The following LEPR variants were observed in gnomAD, a reference collection of about 807,000 sequenced individuals.
The protein encoded by LEPR is leptin receptor, also known as OB receptor.
A neutral mutation model predicts 114.7 loss-of-function variants in LEPR; 56 were observed. The ratio of observed to expected loss-of-function variants is 0.49; its 90% CI spans 0.39 to 0.61. LEPR has a LOEUF of 0.61. LEPR is among the 20% of genes least tolerant of loss of function. The probability of loss-of-function intolerance (pLI) is 0.00; values close to 1 mark genes in which losing one functional copy is unlikely to be tolerated. For missense variants in LEPR, 1,202 were observed against 1,352.9 expected, an observed-to-expected ratio of 0.89 and a Z score of 1.75; for synonymous variants, 443 against 461.4, an observed-to-expected ratio of 0.96 and a Z score of 0.51.
chr1:65,628,532 G>A (rs1658348565), intron 19 of LEPR, among the ~76,000 whole-genome samples: 1 of 152,202 alleles, frequency 6.6e-6, no homozygotes, highest in East Asian at 1.9e-4. Flanking sequence ...ATCCTTTGAA[G>A]TACTGAAAAT....
intron 2 of LEPR, among the ~76,000 whole-genome samples, chr1:65,447,092 A>G (rs1223930259): frequency 6.6e-6 from 1 of 152,040 alleles, no homozygotes; most frequent in African/African-American, 2.4e-5. Context: ...TCAGCCTCCC[A>G]AAGTGCTAGG....
chr1:65,479,125 C>A (rs1570529131), intron 2 of LEPR, among the ~76,000 whole-genome samples: 1 of 152,128 alleles, frequency 6.6e-6, no homozygotes, highest in African/African-American at 2.4e-5. Flanking sequence ...TATGTCAGAG[C>A]AGGCAGGATT....
chr1:65,505,046 G>A (rs1648653788), intron 2 of LEPR, among the ~76,000 whole-genome samples: 1 of 152,174 alleles, frequency 6.6e-6, no homozygotes, highest in Non-Finnish European at 1.5e-5. Context: ...AACCTCTGTA[G>A]TAGAAGTCCC....
Position 65,618,070 on chromosome 1 carries a change from G to A in LEPR, c.2319G>A (p.Glu773=), listed in dbSNP as rs1441047400. The part of the protein sequence containing the change: ...SDYKLMYFII[E]WKNLNEDGEI... ...ACAAGCTAATGTATTTTATTATTGA[G>A]TGGAAAAATCTTAATGAAGATGGTG... Residue 773 remains glutamate, a synonymous_variant, in exon 16 of 20, where the codon GAG becomes GAA. Transcript: ENST00000349533. 3 of 1,612,130 alleles carry A rather than the reference G, an allele frequency of 1.9e-6. No homozygotes were observed. The highest frequency in any genetic ancestry group is 2.5e-6 in the Non-Finnish European group (3 of 1,179,310).
At chr1:65,464,070 G>C (rs574301734) in intron 2 of LEPR, among the ~76,000 whole-genome samples, 9 of 152,276 alleles carry the variant, frequency 5.9e-5, no homozygotes, top group African/African-American at 2.2e-4. Flanking sequence ...TGTTGAATAG[G>C]AGTGGTGAGA....
At chr1:65,621,548 A>G (rs1007388451) in intron 18 of LEPR, 90 bp downstream of exon 18, 29 of 1,056,674 alleles carry the variant, frequency 2.7e-5, no homozygotes, top group Non-Finnish European at 4.0e-5. Flanking sequence ...AGGAATATTA[A>G]AGTCTTCTAA....
At chr1:65,551,129 T>C (rs1404853081) in intron 2 of LEPR, among the ~76,000 whole-genome samples, 1 of 152,182 alleles carries the variant, frequency 6.6e-6, no homozygotes, top group African/African-American at 2.4e-5. Context: ...AGTATTTTAT[T>C]GAGGATCTTT....
intron 2 of LEPR, among the ~76,000 whole-genome samples, chr1:65,442,185 T>G (rs1646658108): frequency 6.6e-6 from 1 of 152,096 alleles, no homozygotes; most frequent in African/African-American, 2.4e-5. Context: ...TAAAATAAAA[T>G]GAAAAGGTGA....
chr1:65,636,410 T>G lies in LEPR; in HGVS notation c.2893T>G (p.Ser965Ala). 1 of 1,614,126 alleles carries G rather than the reference T, an allele frequency of 6.2e-7. No homozygotes were observed. The highest frequency in any genetic ancestry group is 8.5e-7 in the Non-Finnish European group (1 of 1,179,994). Residue 965 changes from serine to alanine, a missense_variant, in exon 20 of 20, where the codon TCT (serine) becomes GCT (alanine). Ser to Ala is a moderately conservative substitution (Grantham distance 99). Transcript: ENST00000349533. Reference sequence around the variant, plus strand: ...TGACCAGTTCAACAGTGTTAACTTCTCTGAGGCTGAGGGTACTGAGGTAAC... The same window carrying G: ...TGACCAGTTCAACAGTGTTAACTTCGCTGAGGCTGAGGGTACTGAGGTAAC... ...ISDQFNSVNF[S>A]EAEGTEVTYE...
At chr1:65,433,593 T>TA in intron 2 of LEPR, 1 of 985,410 alleles carries the variant, frequency 1.0e-6, no homozygotes, top group Non-Finnish European at 1.2e-6. Context: ...AAATAGAAAG[T>TA]AATAACTAAA....
chr1:65,439,017 A>G (rs928059237), intron 2 of LEPR, among the ~76,000 whole-genome samples: 4 of 152,332 alleles, frequency 2.6e-5, no homozygotes, highest in African/African-American at 4.8e-5. Flanking sequence ...AGGTTAAAAT[A>G]TTGGTGCAAA....
chr1:65,580,852 A>G (rs993351021), intron 5 of LEPR, among the ~76,000 whole-genome samples: 9 of 152,160 alleles, frequency 5.9e-5, no homozygotes, highest in African/African-American at 2.2e-4. Flanking sequence ...AGTGAAGAAC[A>G]TTTGCAAAGG....
At chr1:65,508,403 G>A (rs1648866406) in intron 2 of LEPR, among the ~76,000 whole-genome samples, 1 of 152,082 alleles carries the variant, frequency 6.6e-6, no homozygotes, top group South Asian at 2.1e-4. Context: ...TATTCTTCAT[G>A]TGGATATCCA....
intron 2 of LEPR, chr1:65,432,736 A>G (rs920460412): frequency 7.5e-6 from 5 of 665,536 alleles, no homozygotes; most frequent in East Asian, 1.4e-4. Context: ...TTTTTTTTAA[A>G]GATCACTTGC....
At chr1:65,572,739 G>A (rs1429718510) in intron 5 of LEPR, among the ~76,000 whole-genome samples, 4 of 152,094 alleles carry the variant, frequency 2.6e-5, no homozygotes, top group Non-Finnish European at 5.9e-5. Flanking sequence ...TGGGTGGATG[G>A]GCAATAGCTG....
chr1:65,617,870 T>A lies in LEPR; in HGVS notation c.2213-94T>A, dbSNP rs930779274. On this transcript the variant is annotated intron_variant, in intron 15 of 19. Transcript: ENST00000349533. ...GTGTAAATTGTCTGTCTTCTCTTCC[T>A]TATTCCCTTTAGTAGGTTATAAGTT... The A allele has an allele frequency of 7.1e-6, 9 of 1,259,552 alleles. No homozygotes were observed. In the African/African-American group the frequency reaches 1.4e-4, roughly 19 times the overall value. The allele number at this position is 1,259,552 out of a possible 1,614,324, so 78.0% of individuals were successfully genotyped here. A position where few individuals can be genotyped will look rare whatever the true frequency, so the allele number is the denominator to read the frequency against.
intron 12 of LEPR, among the ~76,000 whole-genome samples, chr1:65,609,571 G>A (rs935780694): frequency 1.3e-5 from 2 of 152,148 alleles, no homozygotes; most frequent in African/African-American, 2.4e-5. Context: ...GAATATCAGC[G>A]ATTTGCTACA....
At chr1:65,540,385 G>A in intron 2 of LEPR, among the ~76,000 whole-genome samples, 1 of 152,106 alleles carries the variant, frequency 6.6e-6, no homozygotes, top group Non-Finnish European at 1.5e-5. Context: ...GTCATGGGGT[G>A]GGTCCCTCAC....
Position 65,636,953 on chromosome 1 carries a change from C to CA in LEPR, c.3439dup (p.Thr1147AsnfsTer8), listed in dbSNP as rs759659399. The CA allele has an allele frequency of 4.3e-6, 7 of 1,609,814 alleles. No homozygotes were observed. The highest frequency in any genetic ancestry group is 5.1e-6 in the Non-Finnish European group (6 of 1,178,874). ...TTTTGCATCTTACATGCCTCAATTC[C>CA]AAACTTGTTCTACTCAGACTCATAA... On this transcript the variant is annotated frameshift_variant, in exon 20 of 20. Coordinates refer to ENST00000349533, the MANE Select transcript of LEPR (RefSeq NM_002303.6). LOFTEE classifies it high-confidence loss of function.
Sources: gnomAD v4.1 joint callset for allele counts (sites outside exome capture counted in the v4.1 genomes callset) on GRCh38, gnomAD v4.1.1 for gene constraint, MANE v1.5 for transcripts, NCBI Gene and HGNC (gene_info 2026-07-23, HGNC 2026-07-21) for gene names.